Variants in IL1RN observed in about 807,000 individuals in gnomAD.
IL1RN encodes the protein interleukin-1 receptor antagonist protein.
Under a neutral mutation model 13.7 loss-of-function variants are expected in IL1RN, and 10 were observed. That is an observed-to-expected ratio of 0.73 (90% CI 0.45 to 1.24). IL1RN has a LOEUF of 1.24. Ranked by LOEUF, IL1RN falls within the 50% of genes most tolerant of loss-of-function variation. The pLI, the probability that IL1RN is intolerant of heterozygous loss-of-function variation, is 0.00. For synonymous variants in IL1RN, 102 were observed against 82.7 expected, an observed-to-expected ratio of 1.23 and a Z score of -1.27; for missense variants, 213 against 222.1, an observed-to-expected ratio of 0.96 and a Z score of 0.26.
intron 2 of IL1RN, among the ~76,000 whole-genome samples, chr2:113,122,507 T>C (rs964472307): frequency 6.6e-6 from 1 of 152,200 alleles, no homozygotes; most frequent in Non-Finnish European, 1.5e-5. Context: ...GGGAGTATTA[T>C]GTCATGGAAA....
chr2:113,131,918 G>T (rs1687184881), intron 3 of IL1RN, among the ~76,000 whole-genome samples: 1 of 152,186 alleles, frequency 6.6e-6, no homozygotes, highest in South Asian at 2.1e-4. Context: ...ACACTGTTCT[G>T]GAGGGTGACT....
chr2:113,124,163 C>T (rs754446735), upstream of IL1RN, among the ~76,000 whole-genome samples: 4 of 152,078 alleles, frequency 2.6e-5, no homozygotes, highest in African/African-American at 7.2e-5. Context: ...CCAGGACCTC[C>T]GATGAAAGCC....
chr2:113,130,527 G>A lies in IL1RN; in HGVS notation c.206-518G>A, dbSNP rs546858065. ...ACACTCCTATTGACCTGGAGCACAGGTATCCTGGGGAAAGTGAGGGAAATA... is the reference window on the plus strand; with the variant it reads ...ACACTCCTATTGACCTGGAGCACAGATATCCTGGGGAAAGTGAGGGAAATA... On this transcript the variant is annotated intron_variant, in intron 2 of 3. Transcript: ENST00000409930. Among the ~76,000 whole-genome samples the A allele has an allele frequency of 1.4e-4, 21 of 152,314 alleles. No individual in the cohort carries two copies. The South Asian group carries it at 3.7e-3, about 27-fold the overall frequency.
upstream of IL1RN, among the ~76,000 whole-genome samples, chr2:113,108,411 TC>T (rs956060191): frequency 6.8e-6 from 1 of 147,698 alleles, no homozygotes; most frequent in African/African-American, 2.5e-5. Flanking sequence ...CCGTCCCCCC[TC>T]CCCCACCCCA....
At chr2:113,107,096 A>G (rs1558858431), upstream of IL1RN, 1 of 152,250 alleles carries the variant, frequency 6.6e-6, no homozygotes, top group Admixed American at 6.5e-5. Flanking sequence ...GGATAGTATG[A>G]GAAGACCTGA....
At chr2:113,111,998 G>T (rs928409620) in intron 1 of IL1RN, among the ~76,000 whole-genome samples, 1 of 152,244 alleles carries the variant, frequency 6.6e-6, no homozygotes, top group African/African-American at 2.4e-5. Context: ...CCCAGACTTT[G>T]GGTTGTTGTT....
At chr2:113,118,195 C>T (rs1686645575) in intron 1 of IL1RN, among the ~76,000 whole-genome samples, 1 of 152,218 alleles carries the variant, frequency 6.6e-6, no homozygotes, top group Admixed American at 6.5e-5. Flanking sequence ...GGGAGGCATC[C>T]ATGGGAGACC....
rs1429895732 is a variant in IL1RN at position 113,132,811 on chromosome 2, C to A, written c.474C>A (p.Leu158=). The A allele has an allele frequency of 6.2e-7, 1 of 1,614,288 alleles. No individual in the cohort carries two copies. The highest frequency in any genetic ancestry group is 1.1e-5 in the South Asian group (1 of 91,092). Reference sequence around the variant, plus strand: ...TGGAAGCTGACCAGCCCGTCAGCCTCACCAATATGCCTGACGAAGGCGTCA... The same window carrying A: ...TGGAAGCTGACCAGCCCGTCAGCCTAACCAATATGCCTGACGAAGGCGTCA... ...TAMEADQPVS[L]TNMPDEGVMV... is the part of the protein sequence containing the mutation. The change falls in exon 4 of 4, where the codon CTC becomes CTA. Residue 158 remains leucine (L), a synonymous_variant. Coordinates refer to ENST00000409930, the MANE Select transcript of IL1RN (RefSeq NM_173842.3).
At chr2:113,118,680 G>A (rs561944177) in intron 1 of IL1RN, among the ~76,000 whole-genome samples, 1 of 152,186 alleles carries the variant, frequency 6.6e-6, no homozygotes, top group Non-Finnish European at 1.5e-5. Flanking sequence ...TTTGTGTGGG[G>A]CAAAGAAAAA....
At chr2:113,120,741 CTAAA>C (rs1470531995) in intron 2 of IL1RN, among the ~76,000 whole-genome samples, 10 of 152,252 alleles carry the variant, frequency 6.6e-5, no homozygotes, top group South Asian at 6.2e-4. Context: ...AAATTATGAA[CTAAA>C]TAGTTACTCT....
upstream of IL1RN, among the ~76,000 whole-genome samples, chr2:113,109,075 C>A (rs1013613852): frequency 2.0e-5 from 3 of 151,730 alleles, no homozygotes; most frequent in Non-Finnish European, 4.4e-5. Context: ...CAACACCCCA[C>A]CCAAAATAAA....
At chr2:113,117,261 A>G (rs1241747962), upstream of IL1RN, among the ~76,000 whole-genome samples, 1 of 152,216 alleles carries the variant, frequency 6.6e-6, no homozygotes, top group Non-Finnish European at 1.5e-5. Context: ...GGACCCTGTT[A>G]TTCCCTAAGA....
rs1687225879 is a variant in IL1RN at position 113,132,887 on chromosome 2, C to T, written c.*16C>T. ...GGACGAGTAGTACTGCCCAGGCCTG[C>T]CTGTTCCCATTCTTGCATGGCAAGG... On this transcript the variant is annotated 3_prime_UTR_variant, in exon 4 of 4. Coordinates refer to ENST00000409930, the MANE Select transcript of IL1RN (RefSeq NM_173842.3). The T allele has an allele frequency of 1.2e-6, 2 of 1,610,894 alleles. No homozygotes were observed. Among genetic ancestry groups the T allele is most frequent in the African/African-American group, 1.3e-5 (1 of 74,862 alleles).
rs973913560 is a variant in IL1RN, at chr2:113,133,238, C to T, written c.*367C>T. On this transcript the variant is annotated 3_prime_UTR_variant, in exon 4 of 4. Transcript: ENST00000409930. ...CCCATGCCCTGGATCCATCAGGCCA[C>T]TTGATGACCCCCAACCAAGTGGCTC... 6 of 361,290 alleles carry T rather than the reference C, an allele frequency of 1.7e-5. No homozygotes were observed. Among genetic ancestry groups the T allele is most frequent in the South Asian group, 2.5e-5 (1 of 39,970 alleles). The allele number at this position is 361,290 out of a possible 1,614,324, so 22.4% of individuals were successfully genotyped here.
chr2:113,127,754 A>G lies in IL1RN; in HGVS notation c.116+14A>G, dbSNP rs1388211845. Reference sequence around the variant, plus strand: ...GCAAGCCTTCAGGTAAGGCTACCCCAAGGAGGAGAAGGTGAGGGTGGATCA... The same window carrying G: ...GCAAGCCTTCAGGTAAGGCTACCCCGAGGAGGAGAAGGTGAGGGTGGATCA... On this transcript the variant is annotated intron_variant, in intron 1 of 3. Transcript: ENST00000409930. 6.2e-7 allele frequency: 1 copy of G among 1,612,172 alleles called. No homozygotes were observed.
At chr2:113,100,275 G>A in the IL1RN span, among the ~76,000 whole-genome samples, 17 of 149,534 alleles carry the variant, frequency 1.1e-4, no homozygotes, top group African/African-American at 3.9e-4. Context: ...GCAGTGAGCC[G>A]AGATCGCACC....
At chr2:113,114,529 A>G (rs991852196), upstream of IL1RN, among the ~76,000 whole-genome samples, 1 of 152,170 alleles carries the variant, frequency 6.6e-6, no homozygotes, top group African/African-American at 2.4e-5. Flanking sequence ...TTACAGGTTA[A>G]GAAGAGTCTA....
chr2:113,123,320 G>A (rs956771886), upstream of IL1RN, among the ~76,000 whole-genome samples: 2 of 152,300 alleles, frequency 1.3e-5, no homozygotes, highest in Non-Finnish European at 2.9e-5. Context: ...CCCAGCACTG[G>A]TGCCCTTTAC....
upstream of IL1RN, among the ~76,000 whole-genome samples, chr2:113,105,501 C>G (rs1377037835): frequency 1.3e-5 from 2 of 152,200 alleles, no homozygotes; most frequent in Non-Finnish European, 1.5e-5. Flanking sequence ...CAGTTTGCCA[C>G]TCAAACAATA....
Sources: allele counts gnomAD v4.1 joint callset (sites outside exome capture counted in the v4.1 genomes callset), GRCh38; gene constraint gnomAD v4.1.1; transcripts MANE v1.5; gene names NCBI Gene and HGNC (gene_info 2026-07-23, HGNC 2026-07-21).